ZNF354B: variants seen among roughly 807,000 people sequenced by gnomAD.
The protein encoded by ZNF354B is zinc finger protein 354B.
Under a neutral mutation model 12.9 loss-of-function variants are expected in ZNF354B, and 10 were observed. That is an observed-to-expected ratio of 0.77 (90% CI 0.48 to 1.31). The LOEUF is 1.31. ZNF354B is among the 40% of genes most tolerant of loss of function. The pLI is 0.00. For missense variants in ZNF354B, 614 were observed against 711.7 expected, an observed-to-expected ratio of 0.86 and a Z score of 1.56; for synonymous variants, 260 against 243.7, an observed-to-expected ratio of 1.07 and a Z score of -0.62.
At chr5:178,861,463 C>G (rs1201271344) in intron 2 of ZNF354B, among the ~76,000 whole-genome samples, 4 of 152,212 alleles carry the variant, frequency 2.6e-5, no homozygotes, top group Admixed American at 2.0e-4. Context: ...CCTCATAACA[C>G]CACCCCTTCC....
At chr5:178,874,532 C>G (rs1426441981) in intron 4 of ZNF354B, among the ~76,000 whole-genome samples, 5 of 152,174 alleles carry the variant, frequency 3.3e-5, no homozygotes, top group African/African-American at 7.2e-5. Flanking sequence ...TTGGTCTGTT[C>G]TGCATTTCAG....
Position 178,883,427 on chromosome 5 carries a change from C to A in ZNF354B, c.975C>A (p.Pro325=). ...IHQKIHAQEN[P]HKYNPGRKAS... ...AAAAAATCCATGCTCAAGAAAATCC[C>A]CATAAATACAATCCAGGCAGGAAGG... The change falls in exon 5 of 5, where the codon CCC becomes CCA. Residue 325 remains proline, a synonymous_variant. Transcript: ENST00000322434. 3 of 1,614,030 alleles carry A rather than the reference C, an allele frequency of 1.9e-6. No homozygotes were observed. The highest frequency in any genetic ancestry group is 2.5e-6 in the Non-Finnish European group (3 of 1,179,950).
intron 4 of ZNF354B, among the ~76,000 whole-genome samples, chr5:178,877,051 A>G (rs1757649056): frequency 6.6e-6 from 1 of 151,956 alleles, no homozygotes; most frequent in Non-Finnish European, 1.5e-5. Flanking sequence ...GCACTAGTCC[A>G]GGAATTAGCC....
At chr5:178,872,500 C>A (rs1757579239) in intron 4 of ZNF354B, among the ~76,000 whole-genome samples, 1 of 152,086 alleles carries the variant, frequency 6.6e-6, no homozygotes, top group South Asian at 2.1e-4. Context: ...GTGATAAATG[C>A]CCAGGAGTGG....
Position 178,861,675 on chromosome 5 carries a change from C to T in ZNF354B, c.33+595C>T, listed in dbSNP as rs145025863. Among the ~76,000 whole-genome samples the T allele has an allele frequency of 2.7e-5, 4 of 146,508 alleles. No individual in the cohort carries two copies. The East Asian group carries it at 5.9e-4, about 22-fold the overall frequency. ...GCTTGACTCGCAGGACACAGAAGACCCCTCAGCTAGCGGCAGGAAGGGTTT... is the reference window on the plus strand; with the variant it reads ...GCTTGACTCGCAGGACACAGAAGACTCCTCAGCTAGCGGCAGGAAGGGTTT... On this transcript the variant is annotated intron_variant, in intron 2 of 4. Coordinates refer to ENST00000322434, the MANE Select transcript of ZNF354B (RefSeq NM_058230.3).
At position 178,882,703 on chromosome 5, in the gene ZNF354B, T is replaced by C. The variant is rs1757737200; in HGVS notation, c.257-6T>C. The C allele has an allele frequency of 2.6e-6, 4 of 1,540,318 alleles. No individual in the cohort carries two copies. The highest frequency in any genetic ancestry group is 4.3e-4 in the Middle Eastern group (2 of 4,662). ...GGGCTGTTGCTTTCTTTTTTTCTTT[T>C]TTCAGGATGTAAGAGCACACCTAAA... On this transcript the variant is annotated splice_region_variant and splice_polypyrimidine_tract_variant and intron_variant, in intron 4 of 4. Transcript: ENST00000322434.
chr5:178,869,902 G>A (rs1757535866), intron 4 of ZNF354B, among the ~76,000 whole-genome samples: 1 of 152,182 alleles, frequency 6.6e-6, no homozygotes, highest in South Asian at 2.1e-4. Flanking sequence ...CCTGGACTAA[G>A]ATTGCCCCAG....
chr5:178,880,657 C>T (rs1310596795), intron 4 of ZNF354B, among the ~76,000 whole-genome samples: 1 of 151,550 alleles, frequency 6.6e-6, no homozygotes, highest in Non-Finnish European at 1.5e-5. Context: ...CTATGCCCAG[C>T]TAATTTATTT....
intron 2 of ZNF354B, among the ~76,000 whole-genome samples, chr5:178,864,692 G>C (rs1456100065): frequency 2.0e-5 from 3 of 150,706 alleles, no homozygotes; most frequent in African/African-American, 7.3e-5. Context: ...GTGCAGTCTC[G>C]GCTCACTGCA....
At chr5:178,873,230 T>C (rs1049281619) in intron 4 of ZNF354B, among the ~76,000 whole-genome samples, 5 of 152,360 alleles carry the variant, frequency 3.3e-5, no homozygotes, top group Non-Finnish European at 7.3e-5. Flanking sequence ...AAATGCTTTC[T>C]CTTACTCTGT....
intron 2 of ZNF354B, among the ~76,000 whole-genome samples, chr5:178,863,134 G>T (rs78376426): frequency 0.15 from 22,573 of 152,074 alleles, 2,054 homozygotes; most frequent in African/African-American, 0.25. Context: ...CAAAGATCAT[G>T]TCTTGTACTC....
At chr5:178,879,372 C>T (rs1561670702) in intron 4 of ZNF354B, among the ~76,000 whole-genome samples, 2 of 148,126 alleles carry the variant, frequency 1.4e-5, no homozygotes, top group East Asian at 4.2e-4. Flanking sequence ...TTGCAGAAAC[C>T]AGAGTTGTTT....
rs780220525 is a variant in ZNF354B, at chr5:178,883,611, T to G, written c.1159T>G (p.Cys387Gly). The change falls in exon 5 of 5, where the codon TGT (cysteine) becomes GGT (glycine). Residue 387 changes from cysteine (C) to glycine (G), a missense_variant. By Grantham distance (159) the Cys-to-Gly change is radical (BLOSUM62 -3). Transcript: ENST00000322434. ...TGEKPFKCSE[C>G]GRAFSQSASL... ...AGAGAAGCCTTTTAAATGTAGTGAATGTGGGAGAGCCTTCAGCCAGAGTGC... is the reference window on the plus strand; with the variant it reads ...AGAGAAGCCTTTTAAATGTAGTGAAGGTGGGAGAGCCTTCAGCCAGAGTGC... The G allele has an allele frequency of 6.2e-7, 1 of 1,613,708 alleles. No homozygotes were observed. Among genetic ancestry groups the G allele is most frequent in the South Asian group, 1.1e-5 (1 of 91,078 alleles).
At chr5:178,872,255 ATT>A (rs113126400) in intron 4 of ZNF354B, among the ~76,000 whole-genome samples, 3 of 148,368 alleles carry the variant, frequency 2.0e-5, no homozygotes, top group Non-Finnish European at 3.0e-5. Context: ...ACGTTATGGG[ATT>A]TTTTTTTTTG....
At chr5:178,875,072 T>TA (rs1757616762) in intron 4 of ZNF354B, among the ~76,000 whole-genome samples, 1 of 152,192 alleles carries the variant, frequency 6.6e-6, no homozygotes, top group Non-Finnish European at 1.5e-5. Context: ...GGTAGGCTCT[T>TA]ACTCAGCTAT....
At chr5:178,862,558 C>G (rs1757375688) in intron 2 of ZNF354B, among the ~76,000 whole-genome samples, 1 of 151,906 alleles carries the variant, frequency 6.6e-6, no homozygotes, top group East Asian at 1.9e-4. Context: ...TTAGTAGAGA[C>G]GGGGTTTCAC....
intron 4 of ZNF354B, among the ~76,000 whole-genome samples, chr5:178,867,669 G>A (rs1353814133): frequency 2.6e-5 from 4 of 152,162 alleles, no homozygotes; most frequent in Non-Finnish European, 5.9e-5. Flanking sequence ...CGTGGACAGA[G>A]CTCCCAAAAA....
chr5:178,883,401 C>CA lies in ZNF354B; in HGVS notation c.955dup (p.Ile319AsnfsTer9), dbSNP rs1561671978. 1.2e-6 allele frequency: 2 copies of CA among 1,614,000 alleles called. No individual in the cohort carries two copies. The highest frequency in any genetic ancestry group is 1.7e-6 in the Non-Finnish European group (2 of 1,179,968). On this transcript the variant is annotated frameshift_variant, in exon 5 of 5. Coordinates refer to ENST00000322434, the MANE Select transcript of ZNF354B (RefSeq NM_058230.3). LOFTEE classifies it low-confidence loss of function (END_TRUNC). ...TCGAAGGTCTGGGCTTTTTATACAT[C>CA]AAAAAATCCATGCTCAAGAAAATCC...
intron 4 of ZNF354B, among the ~76,000 whole-genome samples, chr5:178,880,755 G>A (rs1236469707): frequency 6.7e-6 from 1 of 150,168 alleles, no homozygotes; most frequent in Non-Finnish European, 1.5e-5. Flanking sequence ...CTCCCAAATT[G>A]CTGAGATTAA....
Sources: gnomAD v4.1 joint callset for allele counts (sites outside exome capture counted in the v4.1 genomes callset) on GRCh38, gnomAD v4.1.1 for gene constraint, MANE v1.5 for transcripts, NCBI Gene and HGNC (gene_info 2026-07-23, HGNC 2026-07-21) for gene names.